CYRIA: variants seen among roughly 807,000 people sequenced by gnomAD.
CYRIA encodes CYFIP related Rac1 interactor A, also known as CYFIP-related Rac1 interactor A.
Under a neutral mutation model 43.9 loss-of-function variants are expected in CYRIA, and 15 were observed. The ratio of observed to expected loss-of-function variants is 0.34; its 90% CI spans 0.23 to 0.53. The LOEUF (loss-of-function observed/expected upper bound fraction) is 0.53. CYRIA is among the 20% of genes least tolerant of loss of function. The pLI is 0.94. For missense variants in CYRIA, 236 were observed against 394.2 expected, an observed-to-expected ratio of 0.60 and a Z score of 3.40; for synonymous variants, 117 against 136.0, an observed-to-expected ratio of 0.86 and a Z score of 0.97.
At chr2:16,564,301 A>G (rs1284187271) in intron 4 of CYRIA, among the ~76,000 whole-genome samples, 2 of 152,190 alleles carry the variant, frequency 1.3e-5, no homozygotes, top group Non-Finnish European at 2.9e-5. Context: ...TGGCTCTACA[A>G]TTACATCCTG....
chr2:16,657,393 G>C (rs1311527291), intron 1 of CYRIA, among the ~76,000 whole-genome samples: 1 of 151,568 alleles, frequency 6.6e-6, no homozygotes, highest in Non-Finnish European at 1.5e-5. Context: ...AAAATTCCCA[G>C]CTTATTTTTA....
chr2:16,604,426 G>C (rs1293952159), intron 2 of CYRIA, among the ~76,000 whole-genome samples: 1 of 152,214 alleles, frequency 6.6e-6, no homozygotes, highest in African/African-American at 2.4e-5. Context: ...CTGGCATCCA[G>C]TGGGTGTCCC....
Position 16,564,034 on chromosome 2 carries a change from G to T in CYRIA, c.253C>A (p.Leu85Ile). Residue 85 changes from leucine (L) to isoleucine (I), a missense_variant, in exon 5 of 12, where the codon CTT (leucine) becomes ATT (isoleucine). This residue lies in a region of CYRIA where 193 missense variants were observed against 303.9 expected (regional missense o/e 0.64). Coordinates refer to ENST00000381323, the MANE Select transcript of CYRIA (RefSeq NM_030797.4). ...TAAAATCTCTTTAGCCTCACAACAA[G>T]AGGGCACACCGCATTCCAAGCTTTT... ...QEKAWNAVCPLVVRLKRFYEF... is the reference protein window; with the variant it reads ...QEKAWNAVCPIVVRLKRFYEF... 1 of 1,613,606 alleles carries T rather than the reference G, an allele frequency of 6.2e-7. No individual in the cohort carries two copies. The highest frequency in any genetic ancestry group is 8.5e-7 in the Non-Finnish European group (1 of 1,179,718).
intron 3 of CYRIA, among the ~76,000 whole-genome samples, chr2:16,576,745 T>C (rs755936303): frequency 6.6e-6 from 1 of 152,206 alleles, no homozygotes; most frequent in African/African-American, 2.4e-5. Context: ...ATGTGAAAAA[T>C]TGAACCAAAA....
At chr2:16,664,478 C>T (rs1435388929) in intron 1 of CYRIA, among the ~76,000 whole-genome samples, 1 of 152,178 alleles carries the variant, frequency 6.6e-6, no homozygotes, top group East Asian at 1.9e-4. Flanking sequence ...GTCAGAAGCA[C>T]GCAGGAAAAA....
At chr2:16,649,794 A>T (rs1669923428) in intron 1 of CYRIA, among the ~76,000 whole-genome samples, 1 of 152,190 alleles carries the variant, frequency 6.6e-6, no homozygotes, top group South Asian at 2.1e-4. Flanking sequence ...GGACAGTTAT[A>T]CAGTACAGAG....
intron 2 of CYRIA, among the ~76,000 whole-genome samples, chr2:16,608,455 G>T (rs1049715362): frequency 6.6e-6 from 1 of 152,102 alleles, no homozygotes; most frequent in Admixed American, 6.5e-5. Flanking sequence ...TTTTAAGATC[G>T]CAAATTTCAG....
chr2:16,587,488 C>T (rs1466419751), intron 3 of CYRIA, among the ~76,000 whole-genome samples: 2 of 151,696 alleles, frequency 1.3e-5, no homozygotes, highest in African/African-American at 2.4e-5. Context: ...ACCATGGGTA[C>T]ATTAAACACA....
intron 6 of CYRIA, among the ~76,000 whole-genome samples, chr2:16,561,755 G>A (rs1388358690): frequency 6.6e-6 from 1 of 152,142 alleles, no homozygotes; most frequent in Non-Finnish European, 1.5e-5. Context: ...GTCTCAATGT[G>A]GAACAGATAC....
intron 2 of CYRIA, among the ~76,000 whole-genome samples, chr2:16,609,491 C>T (rs867743819): frequency 9.3e-4 from 142 of 152,326 alleles, no homozygotes; most frequent in African/African-American, 2.5e-3. Context: ...GGGACCCTTG[C>T]ACTTGCTAGT....
chr2:16,651,528 C>A (rs1669976707), intron 1 of CYRIA, among the ~76,000 whole-genome samples: 2 of 152,170 alleles, frequency 1.3e-5, no homozygotes, highest in South Asian at 2.1e-4. Context: ...CATCCAAAAC[C>A]TCTCACCAGG....
chr2:16,657,955 C>A (rs754869057), intron 1 of CYRIA, among the ~76,000 whole-genome samples: 1 of 151,856 alleles, frequency 6.6e-6, no homozygotes, highest in African/African-American at 2.4e-5. Context: ...TAAAAATAAG[C>A]GAATGTGTAT....
At position 16,552,909 on chromosome 2, in the gene CYRIA, CAT is replaced by C. The variant is rs1454810894; in HGVS notation, c.*25_*26del. ...ACATATACATCTTCTGAGGTCAGCA[CAT>C]AGATCCTCTTCTTTGAGCAGAGCTC... On this transcript the variant is annotated 3_prime_UTR_variant, in exon 12 of 12. Transcript: ENST00000381323. The C allele has an allele frequency of 6.9e-7, 1 of 1,458,658 alleles. No individual in the cohort carries two copies. The highest frequency in any genetic ancestry group is 2.3e-5 in the East Asian group (1 of 44,150). 90.4% of individuals were successfully genotyped at this position (1,458,658 alleles called of 1,614,324 possible).
intron 1 of CYRIA, among the ~76,000 whole-genome samples, chr2:16,665,212 A>G (rs1308841962): frequency 6.6e-6 from 1 of 152,086 alleles, no homozygotes; most frequent in African/African-American, 2.4e-5. Flanking sequence ...CCTTTTGCCA[A>G]ACTGGGGTTC....
At chr2:16,612,456 T>C (rs994840049) in intron 2 of CYRIA, among the ~76,000 whole-genome samples, 1 of 152,090 alleles carries the variant, frequency 6.6e-6, no homozygotes, top group Admixed American at 6.5e-5. Flanking sequence ...AATAAAGATA[T>C]AGCTAAAGAT....
At chr2:16,563,589 T>A (rs1228703666) in intron 5 of CYRIA, among the ~76,000 whole-genome samples, 1 of 152,208 alleles carries the variant, frequency 6.6e-6, no homozygotes, top group Non-Finnish European at 1.5e-5. Context: ...TTACATTGTT[T>A]TTCTTGCATT....
At chr2:16,591,020 C>T (rs1029608745) in intron 2 of CYRIA, among the ~76,000 whole-genome samples, 5 of 152,072 alleles carry the variant, frequency 3.3e-5, no homozygotes, top group African/African-American at 1.2e-4. Flanking sequence ...TTGGAAAGGC[C>T]TCTCATCCAT....
chr2:16,553,491 C>T (rs193181096), intron 11 of CYRIA, among the ~76,000 whole-genome samples: 25 of 152,020 alleles, frequency 1.6e-4, no homozygotes, highest in Admixed American at 5.9e-4. Context: ...TCCCAATAGC[C>T]GGGTGTAGAA....
At chr2:16,576,723 C>G (rs1231806506) in intron 3 of CYRIA, among the ~76,000 whole-genome samples, 1 of 152,048 alleles carries the variant, frequency 6.6e-6, no homozygotes, top group South Asian at 2.1e-4. Context: ...GTAGAATACC[C>G]CTTTTATGAT....
Sources: gnomAD v4.1 joint callset for allele counts (sites outside exome capture counted in the v4.1 genomes callset) on GRCh38, gnomAD v4.1.1 for gene constraint, gnomAD v4.1.1 regional missense constraint, MANE v1.5 for transcripts, NCBI Gene and HGNC (gene_info 2026-07-23, HGNC 2026-07-21) for gene names.